Variants in COPG2 observed in about 807,000 individuals in gnomAD.
The protein encoded by COPG2 is coat protein complex I subunit gamma 2.
A neutral mutation model predicts 46.3 loss-of-function variants in COPG2; 37 were observed. That is an observed-to-expected ratio of 0.80 (90% confidence interval 0.61 to 1.05). COPG2 has a LOEUF of 1.05. COPG2 is among the 50% of genes least tolerant of loss of function. The pLI is 0.00. For missense variants in COPG2, 427 were observed against 387.8 expected, an observed-to-expected ratio of 1.10 and a Z score of -0.85; for synonymous variants, 159 against 129.7, an observed-to-expected ratio of 1.23 and a Z score of -1.53.
At chr7:130,577,137 A>T (rs1409389086) in intron 9 of COPG2, among the ~76,000 whole-genome samples, 2 of 152,224 alleles carry the variant, frequency 1.3e-5, no homozygotes, top group African/African-American at 4.8e-5. Context: ...TACCAACAAA[A>T]AAAAGTCCAG....
intron 9 of COPG2, among the ~76,000 whole-genome samples, chr7:130,595,806 C>A (rs1006129698): frequency 4.6e-5 from 7 of 152,114 alleles, no homozygotes; most frequent in South Asian, 2.1e-4. Flanking sequence ...TTTGGGGACC[C>A]CCCCCCTCCA....
intron 7 of COPG2, among the ~76,000 whole-genome samples, chr7:130,613,034 T>G (rs1794881539): frequency 6.6e-6 from 1 of 152,222 alleles, no homozygotes; most frequent in African/African-American, 2.4e-5. Context: ...CATTTTATGT[T>G]TTTAATTGCT....
At chr7:130,563,479 C>T (rs1793750810) in intron 10 of COPG2, 143 bp from the exon 11 acceptor site, 2 of 375,478 alleles carry the variant, frequency 5.3e-6, no homozygotes, top group Non-Finnish European at 9.4e-6. Flanking sequence ...CCTATATATG[C>T]TGTGAATATT....
rs782375460 is a variant in COPG2, at chr7:130,508,621, G to A, written c.2188C>T (p.Arg730Trp). The A allele has an allele frequency of 1.8e-5, 14 of 774,470 alleles. No individual in the cohort carries two copies. The highest frequency in any genetic ancestry group is 2.8e-5 in the South Asian group (2 of 72,634). The allele number at this position is 774,470 out of a possible 1,614,324, so 48.0% of individuals were successfully genotyped here. A position where few individuals can be genotyped will look rare whatever the true frequency, so the allele number is the denominator to read the frequency against. ...ACTCCAGTGTTAGGGTCACAGTCCC[G>A]GACTGTAAACTTCATGGTGCAGCTA... Reference protein sequence around the residue: ...SFSCTMKFTVRDCDPNTGVPD... With the variant: ...SFSCTMKFTVWDCDPNTGVPD... The change falls in exon 21 of 24, where the codon CGG (arginine) becomes TGG (tryptophan). Residue 730 changes from arginine (R) to tryptophan (W), a missense_variant. Coordinates refer to ENST00000425248, the MANE Select transcript of COPG2 (RefSeq NM_012133.6).
chr7:130,659,357 A>AAAAAAAAAAAAAAAC lies in COPG2; in HGVS notation c.243+3609_243+3610insGTTTTTTTTTTTTTT, dbSNP rs1445778752. On this transcript the variant is annotated intron_variant, in intron 4 of 23. Coordinates refer to ENST00000425248, the MANE Select transcript of COPG2 (RefSeq NM_012133.6). ...GCGACAGAGCAAGACTCCGTCTCAA[A>AAAAAAAAAAAAAAAC]AAAAAAAAAAACGAACAAACAAGCA... 7.6e-4 allele frequency among the ~76,000 whole-genome samples: 111 copies of AAAAAAAAAAAAAAAC among 146,750 alleles called. 5 individuals are homozygous for AAAAAAAAAAAAAAAC. Among genetic ancestry groups the AAAAAAAAAAAAAAAC allele is most frequent in the African/African-American group, 2.8e-3 (106 of 38,184 alleles).
chr7:130,589,663 G>A (rs1584986718), intron 9 of COPG2, among the ~76,000 whole-genome samples: 1 of 152,098 alleles, frequency 6.6e-6, no homozygotes, highest in Non-Finnish European at 1.5e-5. Flanking sequence ...AATGTGGTAT[G>A]AGAATACCCA....
chr7:130,591,583 C>A (rs1444059361), intron 9 of COPG2, among the ~76,000 whole-genome samples: 2 of 141,644 alleles, frequency 1.4e-5, no homozygotes, highest in East Asian at 4.4e-4. Context: ...GGCCAGCCGC[C>A]CCGTCCGGGA....
intron 12 of COPG2, among the ~76,000 whole-genome samples, chr7:130,556,911 A>G (rs1793635344): frequency 6.6e-6 from 1 of 152,190 alleles, no homozygotes; most frequent in South Asian, 2.1e-4. Flanking sequence ...ACAGCATATT[A>G]CTTAATATGG....
chr7:130,509,383 G>T (rs371809783), intron 20 of COPG2: 13 of 453,044 alleles, frequency 2.9e-5, no homozygotes, highest in South Asian at 2.1e-4. Flanking sequence ...TGAAGGAGGG[G>T]ATTTAGCAAG....
chr7:130,668,441 C>T (rs2116282807), intron 1 of COPG2, among the ~76,000 whole-genome samples, 191 bp downstream of exon 1: 1 of 148,982 alleles, frequency 6.7e-6, no homozygotes. Flanking sequence ...AGGGAGGCTC[C>T]GGCGCCCGGG....
chr7:130,628,002 T>C (rs1434922525), intron 5 of COPG2, among the ~76,000 whole-genome samples: 2 of 152,198 alleles, frequency 1.3e-5, no homozygotes, highest in African/African-American at 2.4e-5. Flanking sequence ...CAGCCTTCAT[T>C]GTCTTCAACT....
At chr7:130,647,008 T>C (rs1795621400) in intron 5 of COPG2, among the ~76,000 whole-genome samples, 1 of 137,344 alleles carries the variant, frequency 7.3e-6, no homozygotes, top group Non-Finnish European at 1.5e-5. Context: ...TGTATATATA[T>C]ATGTATATAT....
At chr7:130,609,831 G>C (rs1414785280) in intron 9 of COPG2, among the ~76,000 whole-genome samples, 2 of 151,762 alleles carry the variant, frequency 1.3e-5, no homozygotes, top group African/African-American at 4.8e-5. Flanking sequence ...GTATTTTTTG[G>C]TTCAAGATTT....
rs551674872 is a variant in COPG2 at position 130,637,675 on chromosome 7, C to T, written c.323+15194G>A. The stretch of plus-strand genomic sequence containing the variant: ...CCTTACATTGGGTTAGAACATGCTC[C>T]GTTAGCTCTGAGGAGTTTGTTATTA... On this transcript the variant is annotated intron_variant, in intron 5 of 23. Coordinates refer to ENST00000425248, the MANE Select transcript of COPG2 (RefSeq NM_012133.6). Among the ~76,000 whole-genome samples, 3 of 152,224 alleles carry T rather than the reference C, an allele frequency of 2.0e-5. No homozygotes were observed. In the East Asian group the frequency reaches 5.8e-4, roughly 29 times the overall value.
intron 9 of COPG2, among the ~76,000 whole-genome samples, chr7:130,567,638 A>T (rs922165846): frequency 6.6e-6 from 1 of 152,238 alleles, no homozygotes; most frequent in African/African-American, 2.4e-5. Flanking sequence ...ACAAACTAGA[A>T]GGGACTGGGG....
chr7:130,574,653 C>A (rs1434786908), intron 9 of COPG2, among the ~76,000 whole-genome samples: 13 of 151,906 alleles, frequency 8.6e-5, no homozygotes, highest in Admixed American at 1.3e-4. Context: ...ACCTCCCCCC[C>A]CAAAAAAATT....
At chr7:130,579,618 G>C (rs1278711186) in intron 9 of COPG2, among the ~76,000 whole-genome samples, 1 of 152,130 alleles carries the variant, frequency 6.6e-6, no homozygotes, top group Non-Finnish European at 1.5e-5. Context: ...CATGTGCAGA[G>C]ACACACACAG....
intron 20 of COPG2, among the ~76,000 whole-genome samples, chr7:130,532,423 C>T (rs1397699136): frequency 6.6e-6 from 1 of 151,902 alleles, no homozygotes; most frequent in African/African-American, 2.4e-5. Context: ...GGAAGGAGAG[C>T]GTCTTGAAGA....
chr7:130,664,063 G>A (rs1467789514), intron 3 of COPG2, among the ~76,000 whole-genome samples: 2 of 152,078 alleles, frequency 1.3e-5, no homozygotes, highest in East Asian at 3.9e-4. Context: ...TCTAACAAGT[G>A]ATGCAAATGC....
Sources: gnomAD v4.1 joint callset for allele counts (sites outside exome capture counted in the v4.1 genomes callset) on GRCh38, gnomAD v4.1.1 for gene constraint, MANE v1.5 for transcripts, NCBI Gene and HGNC (gene_info 2026-07-23, HGNC 2026-07-21) for gene names.